Variants in RASGEF1B observed in about 807,000 individuals in gnomAD.
The protein encoded by RASGEF1B is RasGEF domain family member 1B.
A neutral mutation model predicts 65.7 loss-of-function variants in RASGEF1B; 30 were observed. That is an observed-to-expected ratio of 0.46 (90% confidence interval 0.34 to 0.62). RASGEF1B has a LOEUF of 0.62. Ranked by LOEUF, RASGEF1B falls within the 20% of genes least tolerant of loss-of-function variation. The probability of loss-of-function intolerance (pLI) is 0.01; values close to 1 mark genes in which losing one functional copy is unlikely to be tolerated. For missense variants in RASGEF1B, 495 were observed against 580.1 expected (o/e 0.85, Z 1.51); for synonymous variants, 175 against 194.8 (o/e 0.90, Z 0.85).
At chr4:81,455,237 G>C (rs1380730551) in intron 4 of RASGEF1B, 1 of 152,202 alleles carries the variant, frequency 6.6e-6, no homozygotes, top group Non-Finnish European at 1.5e-5. Flanking sequence ...AAAAGTTGGA[G>C]ACCAGCCTGG....
At chr4:81,435,692 G>A (rs1372316543) in intron 10 of RASGEF1B, among the ~76,000 whole-genome samples, 1 of 148,684 alleles carries the variant, frequency 6.7e-6, no homozygotes, top group Non-Finnish European at 1.5e-5. Context: ...AGCCAGGATG[G>A]TCTCGATCTC....
chr4:81,432,660 G>A (rs577451037), intron 12 of RASGEF1B, among the ~76,000 whole-genome samples: 38 of 152,160 alleles, frequency 2.5e-4, no homozygotes, highest in Admixed American at 1.1e-3. Context: ...TGATGCTGTC[G>A]TATACTCAGA....
At chr4:81,429,301 A>G (rs937876057) in intron 13 of RASGEF1B, among the ~76,000 whole-genome samples, 1 of 152,240 alleles carries the variant, frequency 6.6e-6, no homozygotes, top group Non-Finnish European at 1.5e-5. Context: ...CTTGAACACC[A>G]ACACAGATGA....
chr4:81,467,545 A>G (rs1483471633), intron 1 of RASGEF1B, among the ~76,000 whole-genome samples: 1 of 152,218 alleles, frequency 6.6e-6, no homozygotes. Flanking sequence ...CTTTTTAGCT[A>G]CATCTTCCAT....
intron 8 of RASGEF1B, among the ~76,000 whole-genome samples, chr4:81,443,115 C>A (rs1030716685): frequency 1.3e-5 from 2 of 152,228 alleles, no homozygotes; most frequent in Non-Finnish European, 2.9e-5. Flanking sequence ...TTCCAACAAG[C>A]CATGCTGCCT....
In RASGEF1B at chr4:81,429,574, A is replaced by G. The variant is rs566973363; in HGVS notation, c.1398-1782T>C. 1.5e-4 allele frequency among the ~76,000 whole-genome samples: 23 copies of G among 152,248 alleles called. 1 individual carries two copies. Among genetic ancestry groups the G allele is most frequent in the Non-Finnish European group, 2.9e-4 (20 of 68,012 alleles). ...GCATTTCCCAAGACCACCCTGGCCC[A>G]CCACGCCCCCATCTTGGGCCTATAA... On this transcript the variant is annotated intron_variant, in intron 13 of 13. Transcript: ENST00000264400.
At chr4:81,436,532 C>A (rs1476429700) in intron 10 of RASGEF1B, among the ~76,000 whole-genome samples, 1 of 152,128 alleles carries the variant, frequency 6.6e-6, no homozygotes, top group African/African-American at 2.4e-5. Context: ...ACTAAACCTA[C>A]AAGAAACAGA....
chr4:81,427,705 A>C lies in RASGEF1B; in HGVS notation c.*63T>G. 6.2e-7 allele frequency: 1 copy of C among 1,603,378 alleles called. No homozygotes were observed. Among genetic ancestry groups the C allele is most frequent in the Non-Finnish European group, 8.5e-7 (1 of 1,174,044 alleles). Reference sequence around the variant, plus strand: ...TCGTGGTACGAGATGCCAGAAAACAAAGGCCAGCCCCTCCATGATCTGCAG... The same window carrying C: ...TCGTGGTACGAGATGCCAGAAAACACAGGCCAGCCCCTCCATGATCTGCAG... On this transcript the variant is annotated 3_prime_UTR_variant, in exon 14 of 14. Coordinates refer to ENST00000264400, the MANE Select transcript of RASGEF1B (RefSeq NM_152545.3).
intron 6 of RASGEF1B, 123 bp from the exon 7 acceptor site, chr4:81,445,961 G>A (rs948874114): frequency 1.5e-6 from 1 of 671,038 alleles, no homozygotes; most frequent in African/African-American, 1.8e-5. Context: ...GAGAACAACA[G>A]AAAGAGAGAG....
In RASGEF1B at chr4:81,427,789, C is replaced by T. The variant is rs918375963; in HGVS notation, c.1401G>A (p.Ser467=). 11 of 1,613,814 alleles carry T rather than the reference C, an allele frequency of 6.8e-6. No individual in the cohort carries two copies. The highest frequency in any genetic ancestry group is 1.3e-5 in the African/African-American group (1 of 74,990). The change falls in exon 14 of 14, where the codon TCG becomes TCA. Residue 467 remains serine, a synonymous_variant. Coordinates refer to ENST00000264400, the MANE Select transcript of RASGEF1B (RefSeq NM_152545.3). The part of the protein sequence containing the change: ...IEKDRWKSLR[S]SLLGRV ...TGTGTTAAACTCTGCCTAAGAGGCT[C>T]GACCTGAGTAATAAAAACAACACAA... is the stretch of plus-strand genomic sequence containing the variant.
chr4:81,462,623 T>G (rs1722686918), intron 1 of RASGEF1B, among the ~76,000 whole-genome samples: 1 of 152,250 alleles, frequency 6.6e-6, no homozygotes, highest in African/African-American at 2.4e-5. Context: ...AATAGTCTTA[T>G]TTTTCTACCT....
intron 13 of RASGEF1B, among the ~76,000 whole-genome samples, chr4:81,431,462 C>T (rs1721427079): frequency 6.6e-6 from 1 of 151,934 alleles, no homozygotes; most frequent in Non-Finnish European, 1.5e-5. Flanking sequence ...ATACCTTATC[C>T]CTCATCACTG....
intron 1 of RASGEF1B, among the ~76,000 whole-genome samples, chr4:81,463,438 T>C (rs980299573): frequency 1.3e-5 from 2 of 152,232 alleles, no homozygotes; most frequent in Admixed American, 1.3e-4. Context: ...TAACGAGGGA[T>C]AGCCTCTTAG....
At chr4:81,430,465 G>T (rs938535310) in intron 13 of RASGEF1B, among the ~76,000 whole-genome samples, 12 of 152,328 alleles carry the variant, frequency 7.9e-5, no homozygotes, top group African/African-American at 2.4e-4. Flanking sequence ...ACCTATAGAT[G>T]GCAAAATAAG....
chr4:81,451,679 T>C (rs1722266834), intron 4 of RASGEF1B: 3 of 152,224 alleles, frequency 2.0e-5, no homozygotes, highest in Non-Finnish European at 4.4e-5. Context: ...TAAAATGTTT[T>C]AAAATTTTCC....
At chr4:81,435,343 G>A (rs1430328928) in intron 10 of RASGEF1B, among the ~76,000 whole-genome samples, 10 of 148,948 alleles carry the variant, frequency 6.7e-5, no homozygotes, top group African/African-American at 2.0e-4. Flanking sequence ...CCCGGGAAGC[G>A]GAGCTTGCAG....
intron 4 of RASGEF1B, chr4:81,451,598 T>A (rs1298455051): frequency 1.3e-5 from 2 of 152,224 alleles, no homozygotes; most frequent in East Asian, 3.9e-4. Flanking sequence ...TTGGCCTCTT[T>A]TGCTTTGTAT....
intron 4 of RASGEF1B, among the ~76,000 whole-genome samples, chr4:81,450,135 C>A (rs1722199481): frequency 6.6e-6 from 1 of 151,866 alleles, no homozygotes; most frequent in African/African-American, 2.4e-5. Context: ...TTTTGGAATT[C>A]AAAGCTGTTC....
chr4:81,427,214 G>A lies in RASGEF1B; in HGVS notation c.*554C>T, dbSNP rs1333797723. 6.5e-6 allele frequency: 1 copy of A among 152,854 alleles called. No homozygotes were observed. Among genetic ancestry groups the A allele is most frequent in the Non-Finnish European group, 1.5e-5 (1 of 68,324 alleles). 9.5% of individuals were successfully genotyped at this position (152,854 alleles called of 1,614,324 possible). A position where few individuals can be genotyped will look rare whatever the true frequency, so the allele number is the denominator to read the frequency against. ...TTTACAACACAGCACATACTAAGGG[G>A]AAACAAAGTCTGCAGTCAGCTTCCA... On this transcript the variant is annotated 3_prime_UTR_variant, in exon 14 of 14. Coordinates refer to ENST00000264400, the MANE Select transcript of RASGEF1B (RefSeq NM_152545.3).
Sources: allele counts gnomAD v4.1 joint callset (sites outside exome capture counted in the v4.1 genomes callset), GRCh38; gene constraint gnomAD v4.1.1; transcripts MANE v1.5; gene names NCBI Gene and HGNC (gene_info 2026-07-23, HGNC 2026-07-21).